The following AGPAT4 variants were observed in gnomAD, a reference collection of about 807,000 sequenced individuals.
AGPAT4 encodes 1-acylglycerol-3-phosphate O-acyltransferase 4.
In AGPAT4, 15 loss-of-function variants were observed where a neutral mutation model predicts 48.0. That is an observed-to-expected ratio of 0.31 (90% CI 0.21 to 0.48). AGPAT4 has a LOEUF of 0.48. Among genes scored for constraint, AGPAT4 ranks in the 20% least tolerant of loss-of-function variants. AGPAT4 has a pLI of 0.99. For synonymous variants in AGPAT4, 178 were observed against 198.7 expected (o/e 0.90, Z 0.88); for missense variants, 314 against 482.5 (o/e 0.65, Z 3.27).
At chr6:161,209,328 G>A (rs191094001) in intron 2 of AGPAT4, among the ~76,000 whole-genome samples, 1 of 152,298 alleles carries the variant, frequency 6.6e-6, no homozygotes, top group East Asian at 1.9e-4. Flanking sequence ...GACACTGTAT[G>A]AGCCATGGAG....
intron 5 of AGPAT4, among the ~76,000 whole-genome samples, chr6:161,152,660 C>T (rs996731813): frequency 1.3e-5 from 2 of 152,140 alleles, no homozygotes; most frequent in South Asian, 2.1e-4. Context: ...GGCCGGGAGC[C>T]GCATTCAGCT....
chr6:161,268,780 G>GTCCATATAATT (rs3839454), intron 1 of AGPAT4, among the ~76,000 whole-genome samples: 47,065 of 151,778 alleles, frequency 0.31, 10,188 homozygotes, highest in African/African-American at 0.62. Flanking sequence ...TTGTCATGTT[G>GTCCATATAATT]TCCATATAAT....
chr6:161,194,668 G>C (rs1208764947), intron 2 of AGPAT4, among the ~76,000 whole-genome samples: 1 of 151,888 alleles, frequency 6.6e-6, no homozygotes, highest in African/African-American at 2.4e-5. Flanking sequence ...GTGTATGTGT[G>C]TATAGATGCG....
At position 161,235,515 on chromosome 6, in the gene AGPAT4, C is replaced by A. The variant is rs188945584; in HGVS notation, c.-89-3213G>T. ...CCAGATAGACGTTTTGGGGACCCAT[C>A]TGGATTAGTCCATTCTCGCACTGCT... On this transcript the variant is annotated intron_variant, in intron 1 of 8. Coordinates refer to ENST00000320285, the MANE Select transcript of AGPAT4 (RefSeq NM_020133.3). This position sits in a 1 kb window ranked among gnomAD's most constrained non-coding sequence, Gnocchi z 6.2. 1.8e-3 allele frequency among the ~76,000 whole-genome samples: 277 copies of A among 152,246 alleles called. No individual in the cohort carries two copies. Among genetic ancestry groups the A allele is most frequent in the African/African-American group, 6.4e-3 (266 of 41,558 alleles).
In AGPAT4 at chr6:161,161,628, C is replaced by G. The variant is rs868475487; in HGVS notation, c.348+4620G>C. Reference sequence around the variant, plus strand: ...GCGGTGGGCATATCTGCTGAAAATACCCCTCCATATCTGGAAACTTCTAAC... The same window carrying G: ...GCGGTGGGCATATCTGCTGAAAATAGCCCTCCATATCTGGAAACTTCTAAC... On this transcript the variant is annotated intron_variant, in intron 3 of 8. Transcript: ENST00000320285. The surrounding 1 kb of genome is among the most constrained non-coding windows in gnomAD (Gnocchi z 4.6). 1 of 379,694 alleles carries G rather than the reference C, an allele frequency of 2.6e-6. No homozygotes were observed. The highest frequency in any genetic ancestry group is 5.3e-6 in the Non-Finnish European group (1 of 187,614). 23.5% of individuals were successfully genotyped at this position (379,694 alleles called of 1,614,324 possible).
chr6:161,264,451 C>A lies in AGPAT4; in HGVS notation c.-90+9487G>T, dbSNP rs1783188277. ...CCGTGAGAAGCGTGCACACTGGGAC[C>A]AATACTCCCCACTTCCAGACCTAAC... On this transcript the variant is annotated intron_variant, in intron 1 of 8. Transcript: ENST00000320285. This position sits in a 1 kb window ranked among gnomAD's most constrained non-coding sequence, Gnocchi z 6.8. 6.6e-6 allele frequency among the ~76,000 whole-genome samples: 1 copy of A among 152,172 alleles called. No individual in the cohort carries two copies. The highest frequency in any genetic ancestry group is 1.5e-5 in the Non-Finnish European group (1 of 68,034).
rs898197781 is a variant in AGPAT4, at chr6:161,201,348, A to G, written c.178+30688T>C. On this transcript the variant is annotated intron_variant, in intron 2 of 8. Transcript: ENST00000320285. The surrounding 1 kb of genome is among the most constrained non-coding windows in gnomAD (Gnocchi z 6.0). ...TAAAGTACCAGAAGAAAAGGAAATT[A>G]CAGGAACCAATTTACCTTTTTTTTC... is the stretch of plus-strand genomic sequence containing the variant. Among the ~76,000 whole-genome samples the G allele has an allele frequency of 4.6e-5, 7 of 152,256 alleles. No individual in the cohort carries two copies. Among genetic ancestry groups the G allele is most frequent in the Non-Finnish European group, 8.8e-5 (6 of 68,048 alleles).
chr6:161,260,970 C>T (rs1385052840), intron 1 of AGPAT4, among the ~76,000 whole-genome samples: 1 of 152,214 alleles, frequency 6.6e-6, no homozygotes, highest in Non-Finnish European at 1.5e-5. Context: ...CAGGAAATCT[C>T]CTTAGAGGAG....
intron 2 of AGPAT4, among the ~76,000 whole-genome samples, chr6:161,224,202 A>G (rs984650026): frequency 6.6e-5 from 10 of 152,194 alleles, no homozygotes; most frequent in Admixed American, 6.5e-4. Context: ...TCCTATACAT[A>G]AAGCTTTACT....
intron 5 of AGPAT4, among the ~76,000 whole-genome samples, chr6:161,150,443 G>A (rs1251156975): frequency 2.6e-5 from 4 of 152,202 alleles, no homozygotes; most frequent in Non-Finnish European, 5.9e-5. Flanking sequence ...ACACTTCACT[G>A]GGAGCTTTAC....
intron 1 of AGPAT4, among the ~76,000 whole-genome samples, chr6:161,239,288 G>T (rs534322564): frequency 1.3e-5 from 2 of 152,126 alleles, no homozygotes; most frequent in African/African-American, 4.8e-5. Context: ...AATCCAAACC[G>T]CATCCTTCTC....
Position 161,215,999 on chromosome 6 carries a change from C to T in AGPAT4, c.178+16037G>A, listed in dbSNP as rs1398377569. ...AGAGCTGGAAAGCTGTCCAGGCTCACACATACTTGCCTCTCTTAACCGCAC... is the reference window on the plus strand; with the variant it reads ...AGAGCTGGAAAGCTGTCCAGGCTCATACATACTTGCCTCTCTTAACCGCAC... On this transcript the variant is annotated intron_variant, in intron 2 of 8. Coordinates refer to ENST00000320285, the MANE Select transcript of AGPAT4 (RefSeq NM_020133.3). The surrounding 1 kb of genome is among the most constrained non-coding windows in gnomAD (Gnocchi z 4.5). 6.6e-6 allele frequency among the ~76,000 whole-genome samples: 1 copy of T among 152,184 alleles called. No homozygotes were observed. Among genetic ancestry groups the T allele is most frequent in the Non-Finnish European group, 1.5e-5 (1 of 68,046 alleles).
rs1781378640 is a variant in AGPAT4 at position 161,206,353 on chromosome 6, C to A, written c.178+25683G>T. Among the ~76,000 whole-genome samples the A allele has an allele frequency of 1.3e-5, 2 of 152,076 alleles. No individual in the cohort carries two copies. Among genetic ancestry groups the A allele is most frequent in the South Asian group, 4.2e-4 (2 of 4,818 alleles). ...AATGAGACCACCCTTTTCCTCAACA[C>A]AATAAAGCACTCCCTCCCCTCCCAG... On this transcript the variant is annotated intron_variant, in intron 2 of 8. Coordinates refer to ENST00000320285, the MANE Select transcript of AGPAT4 (RefSeq NM_020133.3). The surrounding 1 kb of genome is among the most constrained non-coding windows in gnomAD (Gnocchi z 4.8).
At chr6:161,162,429 G>A (rs1779964263) in intron 3 of AGPAT4, among the ~76,000 whole-genome samples, 1 of 151,150 alleles carries the variant, frequency 6.6e-6, no homozygotes, top group South Asian at 2.1e-4. Flanking sequence ...CTCAACCTCA[G>A]GGGTGCAGTT....
rs1474902915 is a variant in AGPAT4 at position 161,202,469 on chromosome 6, C to T, written c.178+29567G>A. Among the ~76,000 whole-genome samples the T allele has an allele frequency of 1.3e-5, 2 of 152,140 alleles. No individual in the cohort carries two copies. On this transcript the variant is annotated intron_variant, in intron 2 of 8. Transcript: ENST00000320285. The surrounding 1 kb of genome is among the most constrained non-coding windows in gnomAD (Gnocchi z 5.4). ...TGGCCTCACCTTGAAAGTTACAAAG[C>T]ACCATTTATGTCACTTAGTTGAAGA... is the stretch of plus-strand genomic sequence containing the variant.
chr6:161,168,623 A>G (rs1780177272), intron 2 of AGPAT4, among the ~76,000 whole-genome samples: 1 of 152,104 alleles, frequency 6.6e-6, no homozygotes, highest in South Asian at 2.1e-4. Context: ...GCTTTCAACA[A>G]ATGCCGCGTG....
Position 161,154,222 on chromosome 6 carries a change from C to T in AGPAT4, c.437G>A (p.Arg146His), listed in dbSNP as rs1419095807. The T allele has an allele frequency of 6.2e-7, 1 of 1,614,062 alleles. No homozygotes were observed. The highest frequency in any genetic ancestry group is 8.5e-7 in the Non-Finnish European group (1 of 1,180,024). Residue 146 changes from arginine to histidine, a missense_variant, in exon 4 of 9, where the codon CGC becomes CAC. Coordinates refer to ENST00000320285, the MANE Select transcript of AGPAT4 (RefSeq NM_020133.3). The surrounding 1 kb of genome is among the most constrained non-coding windows in gnomAD (Gnocchi z 7.8). ...CGTCTTGCGATCCTGCTCCCACTTGCGCGAACAGAAGACCATCTCGGTGAA... is the reference window on the plus strand; with the variant it reads ...CGTCTTGCGATCCTGCTCCCACTTGTGCGAACAGAAGACCATCTCGGTGAA... ...WYFTEMVFCS[R>H]KWEQDRKTVA... is the part of the protein sequence containing the mutation.
rs763817530 is a variant in AGPAT4, at chr6:161,141,167, AC to A, written c.844-1548del. ...GGCCATTTTGGAAGGAGAACCCCCAACCCCTTCCCTGGGCAGTTCAGGTGCC... is the reference window on the plus strand; with the variant it reads ...GGCCATTTTGGAAGGAGAACCCCCAACCCTTCCCTGGGCAGTTCAGGTGCC... On this transcript the variant is annotated intron_variant, in intron 7 of 8. Transcript: ENST00000320285. This position sits in a 1 kb window ranked among gnomAD's most constrained non-coding sequence, Gnocchi z 6.7. Among the ~76,000 whole-genome samples, 35 of 151,400 alleles carry A rather than the reference AC, an allele frequency of 2.3e-4. 1 individual carries two copies. The highest frequency in any genetic ancestry group is 1.7e-3 in the Admixed American group (26 of 15,204).
At position 161,136,448 on chromosome 6, in the gene AGPAT4, C is replaced by T. The variant is rs745751584; in HGVS notation, c.*92G>A. 287 of 1,204,110 alleles carry T rather than the reference C, an allele frequency of 2.4e-4. No homozygotes were observed. Among genetic ancestry groups the T allele is most frequent in the Admixed American group, 9.6e-4 (53 of 55,276 alleles). The allele number at this position is 1,204,110 out of a possible 1,614,324, so 74.6% of individuals were successfully genotyped here. On this transcript the variant is annotated 3_prime_UTR_variant, in exon 9 of 9. Transcript: ENST00000320285. Reference sequence around the variant, plus strand: ...ACTTCCGCCGTGCCCAGCAGGGGCTCACCCAGCCTTTGTCACCGTGTCCCA... The same window carrying T: ...ACTTCCGCCGTGCCCAGCAGGGGCTTACCCAGCCTTTGTCACCGTGTCCCA...
Sources: gnomAD v4.1 joint callset for allele counts (sites outside exome capture counted in the v4.1 genomes callset) on GRCh38, gnomAD v4.1.1 for gene constraint, Gnocchi (gnomAD v3.1) non-coding constraint, MANE v1.5 for transcripts, NCBI Gene and HGNC (gene_info 2026-07-23, HGNC 2026-07-21) for gene names.